The following TFDP2 variants were observed in gnomAD, a reference collection of about 807,000 sequenced individuals.
TFDP2 encodes the protein transcription factor Dp-2.
Under a neutral mutation model 59.3 loss-of-function variants are expected in TFDP2, and 17 were observed. That is an observed-to-expected ratio of 0.29 (90% CI 0.20 to 0.43). The LOEUF (loss-of-function observed/expected upper bound fraction) is 0.43, where lower values mean the gene tolerates loss of function less well. Ranked by LOEUF, TFDP2 falls within the 20% of genes least tolerant of loss-of-function variation. The pLI is 1.00. For missense variants in TFDP2, 391 were observed against 528.8 expected (o/e 0.74, Z 2.56); for synonymous variants, 180 against 194.7 (o/e 0.92, Z 0.63).
intron 1 of TFDP2, among the ~76,000 whole-genome samples, chr3:142,135,204 C>A (rs1471773919): frequency 2.6e-5 from 4 of 152,044 alleles, no homozygotes; most frequent in African/African-American, 9.7e-5. Flanking sequence ...TCCCTGGGCT[C>A]AAGCAATCCT....
intron 6 of TFDP2, among the ~76,000 whole-genome samples, chr3:141,990,567 CTTAA>C (rs1942651548): frequency 6.6e-6 from 1 of 152,138 alleles, no homozygotes; most frequent in Admixed American, 6.5e-5. Flanking sequence ...GTTTTAGCTT[CTTAA>C]TTTAGTTCCT....
chr3:142,115,572 C>T (rs2061829025), intron 1 of TFDP2, among the ~76,000 whole-genome samples: 1 of 152,220 alleles, frequency 6.6e-6, no homozygotes, highest in Admixed American at 6.5e-5. Flanking sequence ...CCGGCCTCGG[C>T]CTCCCAAAGT....
intron 9 of TFDP2, among the ~76,000 whole-genome samples, chr3:141,967,324 C>T (rs1466222349): frequency 1.9e-4 from 28 of 145,062 alleles, no homozygotes; most frequent in African/African-American, 6.1e-4. Context: ...CAGAGTTTCG[C>T]TCTTGTTGCC....
chr3:142,092,528 A>C (rs754533730), intron 3 of TFDP2, among the ~76,000 whole-genome samples: 2 of 152,076 alleles, frequency 1.3e-5, no homozygotes, highest in Non-Finnish European at 2.9e-5. Context: ...TATGTTACCC[A>C]GGCTGGTCTC....
intron 3 of TFDP2, among the ~76,000 whole-genome samples, chr3:142,009,241 T>A (rs78056877): frequency 0.07 from 10,592 of 152,302 alleles, 474 homozygotes; most frequent in Non-Finnish European, 0.11. Flanking sequence ...GATGCCAAAC[T>A]TCCTGCAATA....
chr3:141,995,405 C>A (rs1943176314), intron 4 of TFDP2, among the ~76,000 whole-genome samples: 1 of 152,136 alleles, frequency 6.6e-6, no homozygotes, highest in African/African-American at 2.4e-5. Context: ...AAGTAGAGAA[C>A]TGATAATGCT....
intron 3 of TFDP2, among the ~76,000 whole-genome samples, chr3:142,045,361 T>C (rs529338879): frequency 6.8e-4 from 103 of 152,216 alleles, no homozygotes; most frequent in African/African-American, 2.3e-3. Context: ...GATTTCGCCA[T>C]GTTGGCCAAG....
intron 3 of TFDP2, among the ~76,000 whole-genome samples, chr3:142,062,890 T>C (rs557138468): frequency 6.6e-6 from 1 of 152,238 alleles, no homozygotes; most frequent in East Asian, 1.9e-4. Context: ...AAAGAATAAA[T>C]ACTGTATGAT....
At chr3:142,025,607 C>A (rs1430976420) in intron 3 of TFDP2, among the ~76,000 whole-genome samples, 1 of 152,010 alleles carries the variant, frequency 6.6e-6, no homozygotes, top group Non-Finnish European at 1.5e-5. Flanking sequence ...ATCAAAATTT[C>A]TGTTCTTTGA....
intron 3 of TFDP2, among the ~76,000 whole-genome samples, chr3:142,066,428 A>T (rs1315615722): frequency 6.6e-6 from 1 of 152,196 alleles, no homozygotes; most frequent in Non-Finnish European, 1.5e-5. Flanking sequence ...AGCCTACCTT[A>T]AGGTGCTCAG....
chr3:142,104,804 A>C (rs909135968), intron 1 of TFDP2, among the ~76,000 whole-genome samples: 4 of 152,224 alleles, frequency 2.6e-5, no homozygotes, highest in Non-Finnish European at 5.9e-5. Flanking sequence ...GTGAGAACTC[A>C]AAGAAATATG....
chr3:142,135,894 A>G (rs759129400), intron 1 of TFDP2, among the ~76,000 whole-genome samples: 47 of 152,072 alleles, frequency 3.1e-4, no homozygotes, highest in Non-Finnish European at 6.3e-4. Context: ...TAGTAGCATG[A>G]TTTATAATCC....
intron 1 of TFDP2, among the ~76,000 whole-genome samples, chr3:142,137,802 C>T (rs1352396009): frequency 6.6e-5 from 10 of 152,116 alleles, no homozygotes; most frequent in Admixed American, 3.3e-4. Flanking sequence ...TGAGGATTTT[C>T]GTATCAATGT....
At chr3:141,956,413 G>A (rs577820511) in intron 11 of TFDP2, among the ~76,000 whole-genome samples, 4 of 152,114 alleles carry the variant, frequency 2.6e-5, no homozygotes, top group South Asian at 2.1e-4. Context: ...TTAGCTGGGC[G>A]TGGTGGTGGG....
chr3:142,118,334 G>A (rs1030930919), intron 1 of TFDP2, among the ~76,000 whole-genome samples: 10 of 152,132 alleles, frequency 6.6e-5, no homozygotes, highest in Admixed American at 5.2e-4. Flanking sequence ...CAAATGTACT[G>A]CAAAGTCAGA....
At position 142,148,712 on chromosome 3, in the gene TFDP2, G is replaced by A. The variant is rs537042855; in HGVS notation, c.-93+471C>T. On this transcript the variant is annotated intron_variant, in intron 1 of 12. Coordinates refer to ENST00000489671, the MANE Select transcript of TFDP2 (RefSeq NM_001178139.2). ...TCAAAGGAGTCTGGGCCCAAAAAGC[G>A]ATCCTCTACTTCAGAGAAAAGTTCC... Among the ~76,000 whole-genome samples, 102 of 152,310 alleles carry A rather than the reference G, an allele frequency of 6.7e-4. No individual in the cohort carries two copies. In the Middle Eastern group the frequency reaches 0.01, roughly 15 times the overall value.
chr3:142,149,086 G>A lies in TFDP2; in HGVS notation c.-93+97C>T, dbSNP rs573735619. On this transcript the variant is annotated intron_variant, in intron 1 of 12. Transcript: ENST00000489671. ...ATGGGACTCGTGGGGGAACAAGGGG[G>A]CCCCTGTGCGCAGGGAGGGAAACCT... 6.6e-5 allele frequency: 26 copies of A among 395,914 alleles called. 1 individual carries two copies. In the Admixed American group the frequency reaches 7.9e-4, roughly 12 times the overall value. 24.5% of individuals were successfully genotyped at this position (395,914 alleles called of 1,614,324 possible).
At chr3:142,023,288 G>A (rs1004951964) in intron 3 of TFDP2, among the ~76,000 whole-genome samples, 4 of 151,112 alleles carry the variant, frequency 2.6e-5, no homozygotes, top group African/African-American at 9.7e-5. Flanking sequence ...GCGTTCAAGT[G>A]AATCTCCTGT....
chr3:142,040,587 T>C (rs367560352), intron 3 of TFDP2, among the ~76,000 whole-genome samples: 4 of 152,302 alleles, frequency 2.6e-5, no homozygotes, highest in East Asian at 3.9e-4. Flanking sequence ...ATTGCCACCA[T>C]GCCCGGCTAA....
Sources: allele counts gnomAD v4.1 joint callset (sites outside exome capture counted in the v4.1 genomes callset), GRCh38; gene constraint gnomAD v4.1.1; transcripts MANE v1.5; gene names NCBI Gene and HGNC (gene_info 2026-07-23, HGNC 2026-07-21).